The following PAPPA variants were observed in gnomAD, a reference collection of about 807,000 sequenced individuals.
PAPPA encodes the protein pappalysin 1.
PAPPA carries 60 observed loss-of-function variants against 164.0 expected under a neutral mutation model. That is an observed-to-expected ratio of 0.37 (90% CI 0.30 to 0.45). The LOEUF is 0.45. PAPPA is among the 20% of genes least tolerant of loss of function. The probability of loss-of-function intolerance (pLI) is 1.00; values close to 1 mark genes in which losing one functional copy is unlikely to be tolerated. For synonymous variants in PAPPA, 875 were observed against 814.1 expected (o/e 1.07, Z -1.27); for missense variants, 1,782 against 2,087.3 (o/e 0.85, Z 2.85).
intron 10 of PAPPA, among the ~76,000 whole-genome samples, chr9:116,330,206 A>G (rs1845971537): frequency 1.3e-5 from 2 of 152,222 alleles, no homozygotes; most frequent in African/African-American, 4.8e-5. Flanking sequence ...AAGCCACATT[A>G]GAGACCAGAG....
At chr9:116,220,949 G>T (rs975321572) in intron 5 of PAPPA, among the ~76,000 whole-genome samples, 1 of 143,088 alleles carries the variant, frequency 7.0e-6, no homozygotes, top group Non-Finnish European at 1.5e-5. Flanking sequence ...TGCACCAAAT[G>T]TTTTTTTTTT....
At chr9:116,194,859 T>C (rs766603845) in intron 2 of PAPPA, among the ~76,000 whole-genome samples, 5 of 152,218 alleles carry the variant, frequency 3.3e-5, no homozygotes, top group Admixed American at 1.3e-4. Context: ...GAAACTGCCA[T>C]ATACAAATTG....
At chr9:116,314,729 C>G (rs1237787936) in intron 10 of PAPPA, among the ~76,000 whole-genome samples, 1 of 152,160 alleles carries the variant, frequency 6.6e-6, no homozygotes, top group African/African-American at 2.4e-5. Context: ...TGCCTGGAAA[C>G]ACCATCATTT....
In PAPPA at chr9:116,398,431, A is replaced by C. The variant is rs1300896437; in HGVS notation, c.*1815A>C. 1 of 434,434 alleles carries C rather than the reference A, an allele frequency of 2.3e-6. No homozygotes were observed. Among genetic ancestry groups the C allele is most frequent in the Non-Finnish European group, 3.9e-6 (1 of 255,144 alleles). The allele number at this position is 434,434 out of a possible 1,614,324, so 26.9% of individuals were successfully genotyped here. ...AAATACCATGCACGTGTGCAGCCCC[A>C]CCTAATTCCTGCATCCAAGGCAGGT... is the stretch of plus-strand genomic sequence containing the variant. On this transcript the variant is annotated 3_prime_UTR_variant, in exon 22 of 22. Transcript: ENST00000328252.
At chr9:116,386,157 A>G (rs1846808250) in intron 21 of PAPPA, among the ~76,000 whole-genome samples, 1 of 152,190 alleles carries the variant, frequency 6.6e-6, no homozygotes, top group African/African-American at 2.4e-5. Flanking sequence ...CTTTGCCATC[A>G]TTATTTCAGT....
rs149791486 is a variant in PAPPA at position 116,400,811 on chromosome 9, C to T, written c.*4195C>T. On this transcript the variant is annotated 3_prime_UTR_variant, in exon 22 of 22. Transcript: ENST00000328252. ...AATAGCCAAAAGAGAAATTATGTCC[C>T]TGTTGTACAGAAGTTAGAATTTTTG... 6.5e-6 allele frequency: 1 copy of T among 152,698 alleles called. No homozygotes were observed. Among genetic ancestry groups the T allele is most frequent in the African/African-American group, 2.4e-5 (1 of 41,550 alleles). The allele number at this position is 152,698 out of a possible 1,614,324, so 9.5% of individuals were successfully genotyped here. A position where few individuals can be genotyped will look rare whatever the true frequency, so the allele number is the denominator to read the frequency against.
At chr9:116,394,527 G>A (rs557418061) in intron 21 of PAPPA, among the ~76,000 whole-genome samples, 2 of 152,258 alleles carry the variant, frequency 1.3e-5, no homozygotes, top group African/African-American at 4.8e-5. Context: ...GTTGGATTTT[G>A]ACTTGGCTTT....
rs992707121 is a variant in PAPPA at position 116,289,715 on chromosome 9, C to A, written c.2954-13042C>A. On this transcript the variant is annotated intron_variant, in intron 9 of 21. Coordinates refer to ENST00000328252, the MANE Select transcript of PAPPA (RefSeq NM_002581.5). Reference sequence around the variant, plus strand: ...ACGTTCATTCGTTCAGCAAATATTTCTGATTATCTTCTATGTACTAGTATC... The same window carrying A: ...ACGTTCATTCGTTCAGCAAATATTTATGATTATCTTCTATGTACTAGTATC... Among the ~76,000 whole-genome samples, 5 of 152,238 alleles carry A rather than the reference C, an allele frequency of 3.3e-5. No individual in the cohort carries two copies. The East Asian group carries it at 9.7e-4, about 29-fold the overall frequency.
chr9:116,257,330 A>C (rs993512535), intron 7 of PAPPA, among the ~76,000 whole-genome samples: 3 of 152,146 alleles, frequency 2.0e-5, no homozygotes, highest in South Asian at 2.1e-4. Flanking sequence ...CAATGTAAAA[A>C]GTTTTTTGAT....
At chr9:116,305,132 C>CAG (rs1231503098) in intron 10 of PAPPA, among the ~76,000 whole-genome samples, 2 of 124,650 alleles carry the variant, frequency 1.6e-5, no homozygotes, top group East Asian at 5.2e-4. Flanking sequence ...CGTGGGCACA[C>CAG]AGACACACAC....
intron 4 of PAPPA, among the ~76,000 whole-genome samples, chr9:116,217,664 CCA>C (rs1480486696): frequency 6.8e-6 from 1 of 147,566 alleles, no homozygotes; most frequent in Non-Finnish European, 1.5e-5. Context: ...CACACACACA[CCA>C]CACACACACT....
At chr9:116,157,561 T>C (rs921240932) in intron 1 of PAPPA, among the ~76,000 whole-genome samples, 2 of 152,134 alleles carry the variant, frequency 1.3e-5, no homozygotes, top group East Asian at 3.9e-4. Context: ...CCCAAGCCAG[T>C]TTCCCTTTTG....
chr9:116,170,232 A>G (rs1198309070), intron 1 of PAPPA, among the ~76,000 whole-genome samples: 1 of 152,150 alleles, frequency 6.6e-6, no homozygotes, highest in Non-Finnish European at 1.5e-5. Context: ...TATGAACACT[A>G]TAGGGGATCT....
At chr9:116,170,573 T>C (rs983543649) in intron 1 of PAPPA, among the ~76,000 whole-genome samples, 3 of 151,892 alleles carry the variant, frequency 2.0e-5, no homozygotes, top group Admixed American at 6.6e-5. Context: ...ATTACCCATC[T>C]ATTAACTCTC....
chr9:116,182,213 T>G (rs1843914867), intron 1 of PAPPA, among the ~76,000 whole-genome samples: 1 of 152,170 alleles, frequency 6.6e-6, no homozygotes, highest in Non-Finnish European at 1.5e-5. Context: ...GTAGAGTAAA[T>G]GATAGTATGT....
At chr9:116,390,502 G>C (rs1846875789) in intron 21 of PAPPA, among the ~76,000 whole-genome samples, 3 of 152,048 alleles carry the variant, frequency 2.0e-5, no homozygotes, top group Admixed American at 1.3e-4. Flanking sequence ...AGAGGCCAGT[G>C]GGGGGTATTC....
chr9:116,399,376 C>T lies in PAPPA; in HGVS notation c.*2760C>T, dbSNP rs1332998210. On this transcript the variant is annotated 3_prime_UTR_variant, in exon 22 of 22. Transcript: ENST00000328252. The stretch of plus-strand genomic sequence containing the variant: ...ACATGGAAGGTATCTTTAATAGGGT[C>T]TTTTCAAACCTTAGTGGAGGAGGGT... 6.6e-6 allele frequency: 1 copy of T among 152,592 alleles called. No homozygotes were observed. The highest frequency in any genetic ancestry group is 2.4e-5 in the African/African-American group (1 of 41,444). The allele number at this position is 152,592 out of a possible 1,614,324, so 9.5% of individuals were successfully genotyped here. A position where few individuals can be genotyped will look rare whatever the true frequency, so the allele number is the denominator to read the frequency against.
At chr9:116,352,983 C>T in intron 16 of PAPPA, 67 bp downstream of exon 16, 1 of 1,181,358 alleles carries the variant, frequency 8.5e-7, no homozygotes, top group Non-Finnish European at 1.2e-6. Flanking sequence ...AAATGCCTGA[C>T]TGGACGGAAG....
intron 8 of PAPPA, 97 bp downstream of exon 8, chr9:116,266,082 G>C: frequency 9.1e-7 from 1 of 1,096,780 alleles, no homozygotes; most frequent in Non-Finnish European, 1.3e-6. Flanking sequence ...ATATTCTTCA[G>C]TGCATGAGCT....
Sources: gnomAD v4.1 joint callset for allele counts (sites outside exome capture counted in the v4.1 genomes callset) on GRCh38, gnomAD v4.1.1 for gene constraint, MANE v1.5 for transcripts, NCBI Gene and HGNC (gene_info 2026-07-23, HGNC 2026-07-21) for gene names.